The following SOX10 variants were observed in gnomAD, a reference collection of about 807,000 sequenced individuals.
The protein encoded by SOX10 is transcription factor SOX-10.
SOX10 carries 3 observed loss-of-function variants against 35.0 expected under a neutral mutation model. The ratio of observed to expected loss-of-function variants is 0.09; its 90% CI spans 0.04 to 0.22. SOX10 has a LOEUF of 0.22. SOX10 is among the 10% of genes least tolerant of loss of function. The pLI, the probability that SOX10 is intolerant of heterozygous loss-of-function variation, is 1.00. For missense variants in SOX10, 436 were observed against 655.1 expected, an observed-to-expected ratio of 0.67 and a Z score of 3.65; for synonymous variants, 285 against 291.0, an observed-to-expected ratio of 0.98 and a Z score of 0.21.
intron 3 of SOX10, among the ~76,000 whole-genome samples, chr22:37,977,422 G>A (rs534455130): frequency 5.3e-5 from 8 of 151,172 alleles, no homozygotes; most frequent in Non-Finnish European, 1.0e-4. Flanking sequence ...CTGGGTTCAC[G>A]CCATCCTCCT....
chr22:37,982,629 G>A (rs530949503), intron 2 of SOX10, among the ~76,000 whole-genome samples: 119 of 152,188 alleles, frequency 7.8e-4, no homozygotes, highest in African/African-American at 2.7e-3. Context: ...GTTGCTCAAC[G>A]TTGGGGTGGG....
In SOX10 at chr22:37,977,978, C is replaced by T. The variant is rs763210407; in HGVS notation, c.586G>A (p.Glu196Lys). Residue 196 changes from glutamate (E) to lysine (K), a missense_variant, in exon 3 of 4, where the codon GAG becomes AAG. Transcript: ENST00000396884. ...GEAECPGGEA[E>K]QGGTAAIQAH... is the part of the protein sequence containing the mutation. ...TGGATGGCGGCGGTCCCACCTTGCTCGGCCTCCCCACCGGGGCACTCCGCC... is the reference window on the plus strand; with the variant it reads ...TGGATGGCGGCGGTCCCACCTTGCTTGGCCTCCCCACCGGGGCACTCCGCC... 51 of 1,611,840 alleles carry T rather than the reference C, an allele frequency of 3.2e-5. No individual in the cohort carries two copies. Among genetic ancestry groups the T allele is most frequent in the South Asian group, 1.1e-5 (1 of 91,062 alleles).
Position 37,983,331 on chromosome 22 carries a change from A to AG in SOX10, c.428+25dup. 6.3e-7 allele frequency: 1 copy of AG among 1,593,026 alleles called. No individual in the cohort carries two copies. Among genetic ancestry groups the AG allele is most frequent in the Middle Eastern group, 2.2e-4 (1 of 4,530 alleles). On this transcript the variant is annotated intron_variant, in intron 2 of 3. Coordinates refer to ENST00000396884, the MANE Select transcript of SOX10 (RefSeq NM_006941.4). The surrounding 1 kb of genome is among the most constrained non-coding windows in gnomAD (Gnocchi z 9.5). ...AATCCACCCGAAGCTAGAGGGCCCG[A>AG]GCCCGGGGGGCGGTCGGGTGCTCAC... is the stretch of plus-strand genomic sequence containing the variant.
rs781443891 is a variant in SOX10, at chr22:37,973,883, G to A, written c.1013C>T (p.Pro338Leu). ...TGAGACCGTGGGCAGAGCCACGCCTGGTGGCTTGGAGATCCAGGCGGAGTG... is the reference window on the plus strand; with the variant it reads ...TGAGACCGTGGGCAGAGCCACGCCTAGTGGCTTGGAGATCCAGGCGGAGTG... ...SGHSAWISKP[P>L]GVALPTVSPP... Residue 338 changes from proline (P) to leucine (L), a missense_variant, in exon 4 of 4, where the codon CCA (proline) becomes CTA (leucine). Physicochemically the swap from Pro to Leu is moderately conservative, Grantham distance 98. Around this residue, in one of 3 missense-constraint regions of SOX10, gnomAD observed 285 missense variants for 402.9 expected, o/e 0.71. Coordinates refer to ENST00000396884, the MANE Select transcript of SOX10 (RefSeq NM_006941.4). 1.2e-6 allele frequency: 2 copies of A among 1,610,328 alleles called. No individual in the cohort carries two copies. Among genetic ancestry groups the A allele is most frequent in the Admixed American group, 1.7e-5 (1 of 60,010 alleles).
In SOX10 at chr22:37,983,225, G is replaced by T; in HGVS notation, c.428+132C>A. ...AAGGGCGGGCGCGGCCCCCACACCT[G>T]GTCTTCCAGCCCTATCCAAGGAGGA... On this transcript the variant is annotated intron_variant, in intron 2 of 3. Transcript: ENST00000396884. The surrounding 1 kb of genome is among the most constrained non-coding windows in gnomAD (Gnocchi z 9.5). 1 of 1,105,656 alleles carries T rather than the reference G, an allele frequency of 9.0e-7. No individual in the cohort carries two copies. Among genetic ancestry groups the T allele is most frequent in the Non-Finnish European group, 1.3e-6 (1 of 757,722 alleles). 68.5% of individuals were successfully genotyped at this position (1,105,656 alleles called of 1,614,324 possible).
chr22:37,982,486 G>A (rs1169053179), intron 2 of SOX10, among the ~76,000 whole-genome samples: 1 of 152,138 alleles, frequency 6.6e-6, no homozygotes, highest in Non-Finnish European at 1.5e-5. Flanking sequence ...TGCTCCCTGC[G>A]GGGGATGTTT....
At chr22:37,982,402 T>TG (rs1932428073) in intron 2 of SOX10, among the ~76,000 whole-genome samples, 1 of 151,294 alleles carries the variant, frequency 6.6e-6, no homozygotes, top group Non-Finnish European at 1.5e-5. Flanking sequence ...CGGGTGGGAG[T>TG]GGGGGACTGT....
In SOX10 at chr22:37,974,077, G is replaced by A. The variant is rs1047670299; in HGVS notation, c.819C>T (p.Phe273=). 3.6e-5 allele frequency: 58 copies of A among 1,613,870 alleles called. No individual in the cohort carries two copies. The highest frequency in any genetic ancestry group is 4.5e-5 in the Non-Finnish European group (53 of 1,180,040). The change falls in exon 4 of 4, where the codon TTC becomes TTT. Residue 273 remains phenylalanine (F), a synonymous_variant. Coordinates refer to ENST00000396884, the MANE Select transcript of SOX10 (RefSeq NM_006941.4). The surrounding 1 kb of genome is among the most constrained non-coding windows in gnomAD (Gnocchi z 5.4). ...MGEGGKPHID[F]GNVDIGEISH... is the part of the protein sequence containing the mutation. ...TGATCTCACCAATGTCCACGTTGCC[G>A]AAGTCGATGTGAGGCTTCCCGCCCT...
At chr22:37,981,625 T>C (rs1003063105) in intron 2 of SOX10, among the ~76,000 whole-genome samples, 1 of 152,166 alleles carries the variant, frequency 6.6e-6, no homozygotes. Flanking sequence ...CTCGTTGGGC[T>C]CGTACTGTGG....
In SOX10 at chr22:37,980,988, C is replaced by G. The variant is rs947792850; in HGVS notation, c.428+2369G>C. Among the ~76,000 whole-genome samples the G allele has an allele frequency of 6.6e-6, 1 of 152,162 alleles. No homozygotes were observed. Among genetic ancestry groups the G allele is most frequent in the African/African-American group, 2.4e-5 (1 of 41,428 alleles). On this transcript the variant is annotated intron_variant, in intron 2 of 3. Coordinates refer to ENST00000396884, the MANE Select transcript of SOX10 (RefSeq NM_006941.4). This position sits in a 1 kb window ranked among gnomAD's most constrained non-coding sequence, Gnocchi z 4.1. ...TGGCTCTGGTTCTTTCCAGGCAGAT[C>G]AGCCAACCCACAGGCACCACCCTGT... is the stretch of plus-strand genomic sequence containing the variant.
In SOX10 at chr22:37,977,861, A is replaced by G. The variant is rs755503389; in HGVS notation, c.697+6T>C. 2 of 1,606,476 alleles carry G rather than the reference A, an allele frequency of 1.2e-6. No individual in the cohort carries two copies. The highest frequency in any genetic ancestry group is 1.7e-6 in the Non-Finnish European group (2 of 1,175,634). On this transcript the variant is annotated splice_donor_region_variant and intron_variant, in intron 3 of 3. Coordinates refer to ENST00000396884, the MANE Select transcript of SOX10 (RefSeq NM_006941.4). ...CCCCACCCTCAGCTCTGTCATCAGC[A>G]CTCACCTGAGGGGTGCTCGGGGTTC...
Position 37,974,143 on chromosome 22 carries a change from C to A in SOX10, c.753G>T (p.Ser251=), listed in dbSNP as rs376907937. The change falls in exon 4 of 4, where the codon TCG becomes TCT. Residue 251 remains serine (S), a synonymous_variant. Coordinates refer to ENST00000396884, the MANE Select transcript of SOX10 (RefSeq NM_006941.4). The surrounding 1 kb of genome is among the most constrained non-coding windows in gnomAD (Gnocchi z 5.4). ...CGTCCCGCTTCGGGTCTGCCTTGCC[C>A]GACTGCAGCTCTGTCTTCGGGGTGG... ...PPTTPKTELQ[S]GKADPKRDGR... 1.6e-5 allele frequency: 26 copies of A among 1,611,366 alleles called. No individual in the cohort carries two copies. Among genetic ancestry groups the A allele is most frequent in the Non-Finnish European group, 2.2e-5 (26 of 1,179,966 alleles).
At chr22:37,979,134 G>A (rs1339512257) in intron 2 of SOX10, among the ~76,000 whole-genome samples, 1 of 151,812 alleles carries the variant, frequency 6.6e-6, no homozygotes, top group African/African-American at 2.4e-5. Context: ...GTCTCACTCT[G>A]TCGCCCAGGC....
Position 37,973,505 on chromosome 22 carries a change from G to A in SOX10, c.1391C>T (p.Ser464Phe). ...HWEQPVYTTL[S>F]RP is the part of the protein sequence containing the mutation. ...GCGACAGGGCCCCCTTTAGGGCCGG[G>A]ACAGTGTCGTATATACTGGCTGCTC... The change falls in exon 4 of 4, where the codon TCC becomes TTC. Residue 464 changes from serine (S) to phenylalanine (F), a missense_variant. Physicochemically the swap from Ser to Phe is radical, Grantham distance 155. Around this residue, in one of 3 missense-constraint regions of SOX10, gnomAD observed 285 missense variants for 402.9 expected, o/e 0.71. Transcript: ENST00000396884. The A allele has an allele frequency of 6.2e-7, 1 of 1,600,610 alleles. No homozygotes were observed. Among genetic ancestry groups the A allele is most frequent in the Non-Finnish European group, 8.5e-7 (1 of 1,173,472 alleles).
intron 3 of SOX10, among the ~76,000 whole-genome samples, chr22:37,976,506 G>C (rs969682397): frequency 6.6e-6 from 1 of 152,210 alleles, no homozygotes; most frequent in African/African-American, 2.4e-5. Context: ...GACTCAGAGC[G>C]TGTCCTCTGA....
In SOX10 at chr22:37,983,250, A is replaced by G. The variant is rs1484157382; in HGVS notation, c.428+107T>C. The G allele has an allele frequency of 4.6e-6, 6 of 1,291,158 alleles. No homozygotes were observed. Among genetic ancestry groups the G allele is most frequent in the Middle Eastern group, 2.6e-4 (1 of 3,908 alleles). 80.0% of individuals were successfully genotyped at this position (1,291,158 alleles called of 1,614,324 possible). ...GGTCTTCCAGCCCTATCCAAGGAGG[A>G]CTGCCAGACAGTCCCGCTCTGAGGT... On this transcript the variant is annotated intron_variant, in intron 2 of 3. Coordinates refer to ENST00000396884, the MANE Select transcript of SOX10 (RefSeq NM_006941.4). The surrounding 1 kb of genome is among the most constrained non-coding windows in gnomAD (Gnocchi z 9.5).
chr22:37,979,950 G>A (rs891930202), intron 2 of SOX10, among the ~76,000 whole-genome samples: 17 of 151,980 alleles, frequency 1.1e-4, no homozygotes, highest in African/African-American at 3.4e-4. Flanking sequence ...TCAGCAGAAG[G>A]CCGAGCCCTC....
chr22:37,979,802 G>A (rs1932340139), intron 2 of SOX10, among the ~76,000 whole-genome samples: 1 of 152,062 alleles, frequency 6.6e-6, no homozygotes, highest in Non-Finnish European at 1.5e-5. Flanking sequence ...CGAGGGGAAA[G>A]TCCAGATTCT....
chr22:37,976,637 G>A (rs1177013125), intron 3 of SOX10, among the ~76,000 whole-genome samples: 1 of 152,164 alleles, frequency 6.6e-6, no homozygotes, highest in Non-Finnish European at 1.5e-5. Context: ...AGCCAAACTG[G>A]GGAAGTTCCT....
Sources: gnomAD v4.1 joint callset for allele counts (sites outside exome capture counted in the v4.1 genomes callset) on GRCh38, gnomAD v4.1.1 for gene constraint, gnomAD v4.1.1 regional missense constraint, Gnocchi (gnomAD v3.1) non-coding constraint, MANE v1.5 for transcripts, NCBI Gene and HGNC (gene_info 2026-07-23, HGNC 2026-07-21) for gene names.